RBFOX1: variants seen among roughly 807,000 people sequenced by gnomAD.
The protein encoded by RBFOX1 is RNA binding protein fox-1 homolog 1.
In RBFOX1, 8 loss-of-function variants were observed where a neutral mutation model predicts 57.7. The observed-to-expected ratio is 0.14, with a 90% CI of 0.08 to 0.25. The LOEUF is 0.25. RBFOX1 is among the 10% of genes least tolerant of loss of function. The probability of loss-of-function intolerance (pLI) is 1.00; values close to 1 mark genes in which losing one functional copy is unlikely to be tolerated. For synonymous variants in RBFOX1, 326 were observed against 222.4 expected (o/e 1.47, Z -4.15); for missense variants, 611 against 548.5 (o/e 1.11, Z -1.14).
intron 1 of RBFOX1, among the ~76,000 whole-genome samples, chr16:6,160,863 C>G (rs1194146984): frequency 3.3e-5 from 5 of 152,166 alleles, no homozygotes; most frequent in Non-Finnish European, 1.5e-5. Context: ...CTCGAGTGTC[C>G]TTTCCTCAGA....
At chr16:7,030,676 C>T (rs760792717) in intron 3 of RBFOX1, among the ~76,000 whole-genome samples, 3 of 152,150 alleles carry the variant, frequency 2.0e-5, no homozygotes, top group Non-Finnish European at 2.9e-5. Flanking sequence ...ACCTTATTTA[C>T]ATCTGTAAAG....
intron 3 of RBFOX1, among the ~76,000 whole-genome samples, chr16:5,688,036 C>A (rs756642437): frequency 6.6e-6 from 1 of 152,160 alleles, no homozygotes; most frequent in African/African-American, 2.4e-5. Context: ...GAAATCAATA[C>A]AAAATTTGAT....
chr16:6,764,952 A>G (rs2077122951), intron 3 of RBFOX1, among the ~76,000 whole-genome samples: 1 of 152,152 alleles, frequency 6.6e-6, no homozygotes, highest in Non-Finnish European at 1.5e-5. Flanking sequence ...GAAAGAAATA[A>G]AAAAGAAAAG....
At chr16:6,691,944 C>T (rs542871932) in intron 3 of RBFOX1, among the ~76,000 whole-genome samples, 1 of 152,266 alleles carries the variant, frequency 6.6e-6, no homozygotes, top group African/African-American at 2.4e-5. Flanking sequence ...GGGCCATGGA[C>T]TGTTGGTGGC....
At chr16:6,510,409 A>T (rs1462011593) in intron 2 of RBFOX1, among the ~76,000 whole-genome samples, 1 of 152,114 alleles carries the variant, frequency 6.6e-6, no homozygotes, top group Non-Finnish European at 1.5e-5. Context: ...CTTGTTGTTG[A>T]TGACACGCTG....
chr16:7,252,381 A>C (rs993015227), intron 4 of RBFOX1, among the ~76,000 whole-genome samples: 2 of 152,260 alleles, frequency 1.3e-5, no homozygotes. Flanking sequence ...TAAAGGTTAC[A>C]CATCTGGCTG....
chr16:6,700,727 T>C (rs1017312231), intron 3 of RBFOX1, among the ~76,000 whole-genome samples: 50 of 152,286 alleles, frequency 3.3e-4, no homozygotes, highest in African/African-American at 1.2e-3. Context: ...AGTCACCTGG[T>C]AAGACAGACT....
At chr16:6,102,861 G>A (rs1261988961) in intron 1 of RBFOX1, among the ~76,000 whole-genome samples, 1 of 152,108 alleles carries the variant, frequency 6.6e-6, no homozygotes, top group African/African-American at 2.4e-5. Context: ...GTAGGACAGG[G>A]TTGGGGTTGG....
intron 1 of RBFOX1, among the ~76,000 whole-genome samples, chr16:6,022,365 A>G (rs1040145585): frequency 2.6e-5 from 4 of 152,062 alleles, no homozygotes; most frequent in Admixed American, 6.6e-5. Context: ...GGATTCACAC[A>G]TTGCAATTAG....
chr16:6,937,626 T>A (rs2077602557), intron 3 of RBFOX1, among the ~76,000 whole-genome samples: 6 of 151,970 alleles, frequency 3.9e-5, no homozygotes. Context: ...ATTGGTTCGG[T>A]CTGGAAAGGT....
intron 3 of RBFOX1, among the ~76,000 whole-genome samples, chr16:5,739,744 A>G (rs1343100052): frequency 1.3e-5 from 2 of 152,240 alleles, no homozygotes; most frequent in Non-Finnish European, 2.9e-5. Flanking sequence ...CCTGTGTTGT[A>G]GAAGCAGAGA....
intron 1 of RBFOX1, among the ~76,000 whole-genome samples, chr16:6,210,057 C>T (rs939128582): frequency 6.6e-6 from 1 of 151,712 alleles, no homozygotes. Context: ...ATGGCTCATG[C>T]CTGTAGTCAC....
intron 1 of RBFOX1, among the ~76,000 whole-genome samples, chr16:5,251,379 C>A (rs1257183780): frequency 1.3e-5 from 2 of 152,246 alleles, no homozygotes; most frequent in Non-Finnish European, 2.9e-5. Context: ...TGTGCGCAGT[C>A]AGCACGTGTG....
In RBFOX1 at chr16:6,008,223, A is replaced by G. The variant is rs545149820; in HGVS notation, c.351+140888A>G. Among the ~76,000 whole-genome samples, 189 of 123,820 alleles carry G rather than the reference A, an allele frequency of 1.5e-3. 2 individuals carry two copies. The highest frequency in any genetic ancestry group is 5.6e-3 in the African/African-American group (182 of 32,538). The allele number at this position is 123,820 out of a possible 152,430, so 81.2% of individuals were successfully genotyped here. ...GTATCCCCCCCACCCACCCCCCAAA[A>G]AAAGGTAGTGTGTAGGCAGAGTGAA... On this transcript the variant is annotated intron_variant, in intron 4 of 19. Transcript: ENST00000641259.
chr16:7,328,983 T>A (rs1281290126), intron 4 of RBFOX1, among the ~76,000 whole-genome samples: 1 of 152,178 alleles, frequency 6.6e-6, no homozygotes, highest in Non-Finnish European at 1.5e-5. Flanking sequence ...AAAAAAAGAA[T>A]AATATTTTGT....
intron 4 of RBFOX1, among the ~76,000 whole-genome samples, chr16:7,271,040 G>T (rs2095307392): frequency 6.6e-6 from 1 of 152,094 alleles, no homozygotes; most frequent in Non-Finnish European, 1.5e-5. Flanking sequence ...GGTAATTTAA[G>T]CCTCTCTTAT....
intron 3 of RBFOX1, among the ~76,000 whole-genome samples, chr16:5,758,169 C>G (rs371481446): frequency 5.3e-5 from 8 of 152,260 alleles, no homozygotes; most frequent in African/African-American, 1.2e-4. Flanking sequence ...AGCGTTTCTT[C>G]TGAACTCTGC....
intron 2 of RBFOX1, among the ~76,000 whole-genome samples, chr16:6,579,819 C>G (rs140435891): frequency 1.6e-4 from 24 of 152,266 alleles, no homozygotes; most frequent in East Asian, 1.2e-3. Flanking sequence ...CTCCTGGTCT[C>G]AAGCTGTCCT....
chr16:6,004,352 A>C (rs1181802056), intron 4 of RBFOX1, among the ~76,000 whole-genome samples: 1 of 152,216 alleles, frequency 6.6e-6, no homozygotes, highest in Admixed American at 6.5e-5. Flanking sequence ...AATGGAGATA[A>C]TATTTTATCC....
Sources: gnomAD v4.1 joint callset for allele counts (sites outside exome capture counted in the v4.1 genomes callset) on GRCh38, gnomAD v4.1.1 for gene constraint, MANE v1.5 for transcripts, NCBI Gene and HGNC (gene_info 2026-07-23, HGNC 2026-07-21) for gene names.